Variants in PATJ observed in about 807,000 individuals in gnomAD.
PATJ encodes inaD-like protein.
A neutral mutation model predicts 224.9 loss-of-function variants in PATJ; 190 were observed. The ratio of observed to expected loss-of-function variants is 0.84; its 90% CI spans 0.75 to 0.95. The LOEUF (loss-of-function observed/expected upper bound fraction) is 0.95, where lower values mean the gene tolerates loss of function less well. Ranked by LOEUF, PATJ falls within the 40% of genes least tolerant of loss-of-function variation. The pLI is 0.00. For synonymous variants in PATJ, 769 were observed against 820.3 expected, an observed-to-expected ratio of 0.94 and a Z score of 1.07; for missense variants, 2,121 against 2,270.3, an observed-to-expected ratio of 0.93 and a Z score of 1.34.
At chr1:62,053,706 C>T (rs1215403085) in intron 31 of PATJ, among the ~76,000 whole-genome samples, 4 of 142,522 alleles carry the variant, frequency 2.8e-5, no homozygotes, top group African/African-American at 5.0e-5. Flanking sequence ...GCAAGAAGAG[C>T]GAAATTCCGT....
At chr1:61,854,342 A>G (rs1663304624) in intron 17 of PATJ, among the ~76,000 whole-genome samples, 1 of 152,148 alleles carries the variant, frequency 6.6e-6, no homozygotes, top group Non-Finnish European at 1.5e-5. Flanking sequence ...GCATAGAGAA[A>G]CCAACGTGAA....
intron 14 of PATJ, among the ~76,000 whole-genome samples, chr1:61,816,169 TA>T (rs1197912267): frequency 1.3e-5 from 2 of 152,180 alleles, no homozygotes; most frequent in Non-Finnish European, 2.9e-5. Context: ...AATGAACAAA[TA>T]TAATTTTTAA....
chr1:61,922,730 A>G (rs900158395), intron 26 of PATJ, among the ~76,000 whole-genome samples: 4 of 152,168 alleles, frequency 2.6e-5, no homozygotes, highest in African/African-American at 4.8e-5. Flanking sequence ...TATCTAATCT[A>G]CCCTATTGCT....
chr1:61,958,316 A>G (rs1457008827), intron 27 of PATJ, among the ~76,000 whole-genome samples: 1 of 152,212 alleles, frequency 6.6e-6, no homozygotes, highest in African/African-American at 2.4e-5. Flanking sequence ...CCTTGCTGTA[A>G]AGAAGTTAAC....
At chr1:61,986,546 A>T (rs1644766808) in intron 27 of PATJ, among the ~76,000 whole-genome samples, 1 of 152,062 alleles carries the variant, frequency 6.6e-6, no homozygotes, top group Non-Finnish European at 1.5e-5. Flanking sequence ...CAACCTCCAG[A>T]GCAGCCAAAA....
intron 17 of PATJ, among the ~76,000 whole-genome samples, chr1:61,842,310 C>A (rs2148839708): frequency 6.6e-6 from 1 of 152,294 alleles, no homozygotes; most frequent in South Asian, 2.1e-4. Context: ...GATCTTAAGT[C>A]AGGCCTGATG....
At chr1:62,093,336 T>G (rs1249542674) in intron 33 of PATJ, among the ~76,000 whole-genome samples, 2 of 152,234 alleles carry the variant, frequency 1.3e-5, no homozygotes, top group Admixed American at 1.3e-4. Flanking sequence ...TTTGATAATT[T>G]AAACGTAGGA....
At chr1:61,896,372 A>G (rs1198357675) in intron 22 of PATJ, among the ~76,000 whole-genome samples, 2 of 152,052 alleles carry the variant, frequency 1.3e-5, no homozygotes, top group Non-Finnish European at 2.9e-5. Flanking sequence ...TGTTTTGGCC[A>G]GTTTCTCCCA....
chr1:61,876,959 T>C (rs1667410604), intron 21 of PATJ, among the ~76,000 whole-genome samples: 5 of 152,224 alleles, frequency 3.3e-5, no homozygotes, highest in Admixed American at 3.3e-4. Context: ...ATTATTGCAT[T>C]GAGTAATACA....
At chr1:61,792,880 G>A (rs945136820) in intron 9 of PATJ, among the ~76,000 whole-genome samples, 3 of 152,052 alleles carry the variant, frequency 2.0e-5, no homozygotes, top group Non-Finnish European at 4.4e-5. Context: ...AATTAGGGGT[G>A]GCAGGGAGCA....
intron 37 of PATJ, among the ~76,000 whole-genome samples, chr1:62,118,847 G>A (rs1363124064): frequency 6.6e-6 from 1 of 151,934 alleles, no homozygotes; most frequent in African/African-American, 2.4e-5. Context: ...GGTCAGGCTG[G>A]TCTCAAACTC....
intron 28 of PATJ, among the ~76,000 whole-genome samples, chr1:62,003,260 A>G (rs987770015): frequency 6.6e-6 from 1 of 152,220 alleles, no homozygotes; most frequent in African/African-American, 2.4e-5. Context: ...TCAAAATTAG[A>G]ACAACACAGA....
chr1:61,958,240 C>T (rs184559296), intron 27 of PATJ, among the ~76,000 whole-genome samples: 7 of 152,102 alleles, frequency 4.6e-5, no homozygotes, highest in Non-Finnish European at 1.0e-4. Context: ...GTTGTATACT[C>T]ATTATTTCTA....
At chr1:61,926,696 A>T (rs1188333234) in intron 26 of PATJ, among the ~76,000 whole-genome samples, 1 of 152,162 alleles carries the variant, frequency 6.6e-6, no homozygotes, top group Non-Finnish European at 1.5e-5. Context: ...CTACAAGTGT[A>T]TATAGTTTCT....
chr1:61,804,110 A>G (rs532106351), intron 12 of PATJ, among the ~76,000 whole-genome samples: 2 of 152,272 alleles, frequency 1.3e-5, no homozygotes, highest in East Asian at 3.9e-4. Context: ...TAAATTGCCA[A>G]TTTTGTTCAG....
chr1:61,827,956 A>C (rs907113888), intron 16 of PATJ, among the ~76,000 whole-genome samples: 8 of 152,186 alleles, frequency 5.3e-5, no homozygotes, highest in Non-Finnish European at 7.3e-5. Context: ...CCTTAAAATT[A>C]TGAAACTCAG....
intron 27 of PATJ, among the ~76,000 whole-genome samples, chr1:61,989,748 G>A (rs187530665): frequency 6.6e-6 from 1 of 152,284 alleles, no homozygotes; most frequent in East Asian, 1.9e-4. Flanking sequence ...GAAAGTCTAG[G>A]CCAGTGTGAA....
intron 27 of PATJ, chr1:61,952,253 TGAGA>T (rs111315851): frequency 9.7e-5 from 46 of 474,570 alleles, no homozygotes; most frequent in Middle Eastern, 4.5e-4. Context: ...GAACAAAATC[TGAGA>T]GAGAGAGAGA....
intron 23 of PATJ, among the ~76,000 whole-genome samples, chr1:61,900,650 C>T (rs1005739162): frequency 4.6e-5 from 7 of 151,844 alleles, no homozygotes; most frequent in Non-Finnish European, 8.8e-5. Flanking sequence ...AGTGCAGTGG[C>T]GCAATCTCGG....
Sources: allele counts gnomAD v4.1 joint callset (sites outside exome capture counted in the v4.1 genomes callset), GRCh38; gene constraint gnomAD v4.1.1; transcripts MANE v1.5; gene names NCBI Gene and HGNC (gene_info 2026-07-23, HGNC 2026-07-21).